The following DNASE1 variants were observed in gnomAD, a reference collection of about 807,000 sequenced individuals.
The protein encoded by DNASE1 is deoxyribonuclease 1, also known as deoxyribonuclease-1.
Under a neutral mutation model 33.9 loss-of-function variants are expected in DNASE1, and 40 were observed. The observed-to-expected ratio is 1.18, with a 90% CI of 0.92 to 1.54. The LOEUF is 1.54. DNASE1 is among the 40% of genes most tolerant of loss of function. DNASE1 has a pLI of 0.00. For synonymous variants in DNASE1, 216 were observed against 160.0 expected, an observed-to-expected ratio of 1.35 and a Z score of -2.64; for missense variants, 518 against 372.6, an observed-to-expected ratio of 1.39 and a Z score of -3.21.
upstream of DNASE1, among the ~76,000 whole-genome samples, chr16:3,642,289 C>G (rs561707057): frequency 6.6e-6 from 1 of 152,244 alleles, no homozygotes; most frequent in Non-Finnish European, 1.5e-5. Flanking sequence ...CTGCCATGCC[C>G]TCCCATTAGG....
In DNASE1 at chr16:3,664,210, GAGA is replaced by G. The variant is rs1478906039; in HGVS notation, c.*6260_*6262del. The stretch of plus-strand genomic sequence containing the variant: ...GGGCAGGTTCACCCAGCACAGAGCT[GAGA>G]AGGTCAAGACCCTCCCCAGGTTGCA... On this transcript the variant is annotated 3_prime_UTR_variant, in exon 10 of 10. Transcript: ENST00000407479. 16 of 1,454,174 alleles carry G rather than the reference GAGA, an allele frequency of 1.1e-5. No individual in the cohort carries two copies. In the Admixed American group the frequency reaches 2.2e-4, roughly 20 times the overall value. 90.1% of individuals were successfully genotyped at this position (1,454,174 alleles called of 1,614,324 possible). A position where few individuals can be genotyped will look rare whatever the true frequency, so the allele number is the denominator to read the frequency against.
At chr16:3,637,196 C>G (rs1217450746) in intron 1 of DNASE1, among the ~76,000 whole-genome samples, 1 of 152,116 alleles carries the variant, frequency 6.6e-6, no homozygotes, top group Non-Finnish European at 1.5e-5. Context: ...GTTTATCTGG[C>G]TAGGCGTTAG....
Position 3,656,708 on chromosome 16 carries a change from T to C in DNASE1, c.391T>C (p.Phe131Leu), listed in dbSNP as rs2042665456. The change falls in exon 5 of 9, where the codon TTC becomes CTC. Residue 131 changes from phenylalanine to leucine, a missense_variant. Phe to Leu is a conservative substitution (Grantham distance 22). Coordinates refer to ENST00000246949, the MANE Select transcript of DNASE1 (RefSeq NM_005223.4). ...CTGCGAGCCCTGCGGGAACGACACC[T>C]TCAACCGAGAGCCAGCCATTGTCAG... ...DGCEPCGNDT[F>L]NREPAIVRFF... 6.2e-7 allele frequency: 1 copy of C among 1,612,868 alleles called. No homozygotes were observed. Among genetic ancestry groups the C allele is most frequent in the Admixed American group, 1.7e-5 (1 of 59,948 alleles).
chr16:3,612,702 C>G (rs962241987), intron 1 of DNASE1, among the ~76,000 whole-genome samples: 1 of 152,076 alleles, frequency 6.6e-6, no homozygotes, highest in South Asian at 2.1e-4. Flanking sequence ...AGCCACCACG[C>G]CCGGCGTAAG....
chr16:3,653,826 A>AAAAAAAAAAAAAAAAC (rs1567205849), upstream of DNASE1: 159 of 144,948 alleles, frequency 1.1e-3, 2 homozygotes, highest in African/African-American at 4.1e-3. Context: ...AAAAAAAAAA[A>AAAAAAAAAAAAAAAAC]AAAAAAAAAA....
At chr16:3,651,709 C>T (rs1005599562), upstream of DNASE1, 1 of 152,760 alleles carries the variant, frequency 6.5e-6, no homozygotes, top group African/African-American at 2.4e-5. Flanking sequence ...TGCAGTCTCT[C>T]CAGCCCAGCC....
At chr16:3,613,274 A>G (rs368676428) in intron 1 of DNASE1, among the ~76,000 whole-genome samples, 13 of 152,310 alleles carry the variant, frequency 8.5e-5, no homozygotes, top group African/African-American at 2.9e-4. Context: ...CATGTTTTCA[A>G]GATTTCATCC....
At chr16:3,612,897 ACAT>A (rs1262103812) in intron 1 of DNASE1, among the ~76,000 whole-genome samples, 1 of 150,930 alleles carries the variant, frequency 6.6e-6, no homozygotes, top group Non-Finnish European at 1.5e-5. Flanking sequence ...TCTGGCCTTA[ACAT>A]CTGAGAGTAG....
chr16:3,639,077 C>A (rs1034807084), upstream of DNASE1, among the ~76,000 whole-genome samples: 1 of 152,120 alleles, frequency 6.6e-6, no homozygotes, highest in Non-Finnish European at 1.5e-5. Flanking sequence ...TTTCTATTGA[C>A]TGTGTATGGT....
At chr16:3,628,848 C>T (rs1169281035) in intron 1 of DNASE1, among the ~76,000 whole-genome samples, 6 of 144,034 alleles carry the variant, frequency 4.2e-5, no homozygotes, top group Non-Finnish European at 6.0e-5. Context: ...CGTGAGCCAC[C>T]GTGCCTGGCT....
rs1239731718 is a variant in DNASE1 at position 3,657,985 on chromosome 16, G to A, written c.*32G>A. 1.2e-6 allele frequency: 2 copies of A among 1,612,970 alleles called. No individual in the cohort carries two copies. Among genetic ancestry groups the A allele is most frequent in the South Asian group, 2.2e-5 (2 of 90,988 alleles). ...CCTCCCCACACCAGTTGAACTGCAG[G>A]AAGAGAGGACCCATCCTGCCACAGG... On this transcript the variant is annotated 3_prime_UTR_variant, in exon 9 of 9. Transcript: ENST00000246949.
intron 1 of DNASE1, among the ~76,000 whole-genome samples, chr16:3,634,250 A>C (rs1007690242): frequency 5.3e-5 from 8 of 151,184 alleles, no homozygotes; most frequent in Non-Finnish European, 1.2e-4. Flanking sequence ...GTTTTTTGAG[A>C]CAGAGTTTCG....
chr16:3,651,594 A>T (rs925693046), upstream of DNASE1: 2 of 152,332 alleles, frequency 1.3e-5, no homozygotes, highest in Admixed American at 1.3e-4. Flanking sequence ...ATGTGGGCAG[A>T]AGCGACAGCA....
At chr16:3,637,466 C>G (rs1000407146) in intron 1 of DNASE1, among the ~76,000 whole-genome samples, 1 of 152,090 alleles carries the variant, frequency 6.6e-6, no homozygotes, top group Non-Finnish European at 1.5e-5. Context: ...CAGCACTTCT[C>G]AGTTTGGGGT....
In DNASE1 at chr16:3,657,991, A is replaced by G; in HGVS notation, c.*38A>G. ...CACACCAGTTGAACTGCAGGAAGAG[A>G]GGACCCATCCTGCCACAGGACCCAG... is the stretch of plus-strand genomic sequence containing the variant. On this transcript the variant is annotated 3_prime_UTR_variant, in exon 9 of 9. Transcript: ENST00000246949. 6.2e-7 allele frequency: 1 copy of G among 1,612,642 alleles called. No individual in the cohort carries two copies. Among genetic ancestry groups the G allele is most frequent in the Non-Finnish European group, 8.5e-7 (1 of 1,179,442 alleles).
At chr16:3,646,165 C>T (rs1768234679) in intron 1 of DNASE1, among the ~76,000 whole-genome samples, 1 of 152,180 alleles carries the variant, frequency 6.6e-6, no homozygotes, top group Non-Finnish European at 1.5e-5. Context: ...CCAAGTGCCA[C>T]CTGGATGCCC....
At chr16:3,658,733 G>A, downstream of DNASE1, 2 of 1,501,678 alleles carry the variant, frequency 1.3e-6, no homozygotes, top group South Asian at 1.2e-5. Context: ...CCACCCTGAA[G>A]GCAGGCTGGC....
chr16:3,658,380 A>G, downstream of DNASE1: 3 of 672,690 alleles, frequency 4.5e-6, no homozygotes, highest in Middle Eastern at 3.1e-4. Flanking sequence ...CCCGCCTCCC[A>G]AAGTGCTGGG....
exon 10 of DNASE1, chr16:3,664,445 C>G: frequency 6.2e-7 from 1 of 1,611,228 alleles, no homozygotes. Flanking sequence ...AGCGCAGCAG[C>G]TTTGCTATGT....
Sources: allele counts gnomAD v4.1 joint callset (sites outside exome capture counted in the v4.1 genomes callset), GRCh38; gene constraint gnomAD v4.1.1; transcripts MANE v1.5; gene names NCBI Gene and HGNC (gene_info 2026-07-23, HGNC 2026-07-21).